The following CLIP2 variants were observed in gnomAD, a reference collection of about 807,000 sequenced individuals.
CLIP2 encodes CAP-Gly domain containing linker protein 2.
Under a neutral mutation model 111.7 loss-of-function variants are expected in CLIP2, and 41 were observed. The ratio of observed to expected loss-of-function variants is 0.37; its 90% CI spans 0.29 to 0.48. CLIP2 has a LOEUF of 0.48. Among genes scored for constraint, CLIP2 ranks in the 20% least tolerant of loss-of-function variants. The pLI is 0.99. For synonymous variants in CLIP2, 660 were observed against 644.2 expected (o/e 1.02, Z -0.37); for missense variants, 1,160 against 1,422.1 (o/e 0.82, Z 2.96).
At chr7:74,390,564 G>A (rs1404858355) in intron 13 of CLIP2, among the ~76,000 whole-genome samples, 2 of 151,908 alleles carry the variant, frequency 1.3e-5, no homozygotes, top group Non-Finnish European at 2.9e-5. Flanking sequence ...AGCTACTCAG[G>A]AGGCTGAGGT....
At chr7:74,401,954 T>G (rs921432733) in intron 16 of CLIP2, among the ~76,000 whole-genome samples, 2 of 150,978 alleles carry the variant, frequency 1.3e-5, no homozygotes, top group Non-Finnish European at 2.9e-5. Context: ...AGACCCTCTC[T>G]CTATTAAAAA....
intron 3 of CLIP2, among the ~76,000 whole-genome samples, chr7:74,343,389 C>G (rs1789714242): frequency 6.6e-6 from 1 of 152,072 alleles, no homozygotes; most frequent in African/African-American, 2.4e-5. Context: ...CTGACCTGTC[C>G]TTCAGGATCT....
chr7:74,389,786 C>T (rs1322658467), intron 13 of CLIP2, among the ~76,000 whole-genome samples: 3 of 151,714 alleles, frequency 2.0e-5, no homozygotes, highest in Non-Finnish European at 4.4e-5. Context: ...GTAGTCCCAG[C>T]TACTCAGGAG....
Position 74,373,048 on chromosome 7 carries a change from A to C in CLIP2, c.1485+12A>C. ...TAGCGGACAACAGGGTAACCGCGCC[A>C]CCGCACCCGCCTGGCCCGCCAGCCA... On this transcript the variant is annotated intron_variant, in intron 9 of 16. Coordinates refer to ENST00000223398, the MANE Select transcript of CLIP2 (RefSeq NM_003388.5). 6.5e-7 allele frequency: 1 copy of C among 1,539,750 alleles called. No homozygotes were observed. Among genetic ancestry groups the C allele is most frequent in the Non-Finnish European group, 8.8e-7 (1 of 1,139,396 alleles).
intron 3 of CLIP2, among the ~76,000 whole-genome samples, chr7:74,343,721 C>T (rs552031805): frequency 3.9e-4 from 55 of 139,458 alleles, no homozygotes; most frequent in African/African-American, 1.3e-3. Flanking sequence ...AGCAAGACCC[C>T]GTCTCTACTA....
intron 8 of CLIP2, among the ~76,000 whole-genome samples, chr7:74,365,251 C>G (rs1207474578): frequency 1.3e-5 from 2 of 152,052 alleles, no homozygotes; most frequent in African/African-American, 2.4e-5. Flanking sequence ...TTGCCAGGAA[C>G]AGAGACCCCC....
intron 13 of CLIP2, among the ~76,000 whole-genome samples, chr7:74,390,753 G>C (rs1291147341): frequency 7.1e-6 from 1 of 141,242 alleles, no homozygotes; most frequent in African/African-American, 2.6e-5. Context: ...CGGGGTGGGG[G>C]GGGTGGGTGG....
chr7:74,307,824 G>A (rs1423087213), intron 1 of CLIP2, among the ~76,000 whole-genome samples: 3 of 152,260 alleles, frequency 2.0e-5, no homozygotes, highest in East Asian at 3.9e-4. Context: ...GCTGCTGGGG[G>A]GTGGTTCAGG....
At chr7:74,387,581 C>CAGT (rs1157192003) in intron 12 of CLIP2, among the ~76,000 whole-genome samples, 1 of 152,170 alleles carries the variant, frequency 6.6e-6, no homozygotes, top group East Asian at 1.9e-4. Flanking sequence ...ACCAGAACAC[C>CAGT]AGTGGTGGTG....
intron 9 of CLIP2, among the ~76,000 whole-genome samples, chr7:74,374,747 A>G (rs1375922701): frequency 2.0e-5 from 3 of 152,140 alleles, no homozygotes; most frequent in African/African-American, 7.2e-5. Context: ...AAAAAACAAA[A>G]CAATAAGTTT....
rs1167400104 is a variant in CLIP2 at position 74,338,202 on chromosome 7, A to T, written c.122-246A>T. Reference sequence around the variant, plus strand: ...GGGTGACAGAGCAAGACCCTGTCTCAAAAAGTAAATAAACAGGGGTTGGGT... The same window carrying T: ...GGGTGACAGAGCAAGACCCTGTCTCTAAAAGTAAATAAACAGGGGTTGGGT... On this transcript the variant is annotated intron_variant, in intron 2 of 16. Transcript: ENST00000223398. This position sits in a 1 kb window ranked among gnomAD's most constrained non-coding sequence, Gnocchi z 4.3. 2.1e-5 allele frequency among the ~76,000 whole-genome samples: 2 copies of T among 94,224 alleles called. No individual in the cohort carries two copies. Among genetic ancestry groups the T allele is most frequent in the East Asian group, 5.0e-4 (2 of 4,012 alleles). 61.8% of individuals were successfully genotyped at this position (94,224 alleles called of 152,430 possible). A position where few individuals can be genotyped will look rare whatever the true frequency, so the allele number is the denominator to read the frequency against.
At chr7:74,358,718 C>T (rs907840653) in intron 6 of CLIP2, among the ~76,000 whole-genome samples, 3 of 151,734 alleles carry the variant, frequency 2.0e-5, no homozygotes, top group Non-Finnish European at 2.9e-5. Flanking sequence ...TATAGGTGCA[C>T]GCTACCACAT....
At chr7:74,379,791 A>G (rs543563101) in intron 10 of CLIP2, among the ~76,000 whole-genome samples, 229 of 150,842 alleles carry the variant, frequency 1.5e-3, no homozygotes, top group African/African-American at 5.4e-3. Flanking sequence ...AAAAACCCCA[A>G]AATTAGCTGG....
chr7:74,400,676 C>G (rs532470120), intron 15 of CLIP2, 121 bp downstream of exon 15: 1 of 1,002,248 alleles, frequency 1.0e-6, no homozygotes, highest in Admixed American at 3.0e-5. Context: ...GTAGGGAGCT[C>G]GTCCCAGGAA....
intron 1 of CLIP2, among the ~76,000 whole-genome samples, chr7:74,290,505 C>G (rs1466800009): frequency 6.6e-6 from 1 of 152,254 alleles, no homozygotes; most frequent in East Asian, 1.9e-4. Flanking sequence ...CCACTGGGCA[C>G]TGCCACGCAG....
chr7:74,295,111 T>C (rs1267877414), intron 1 of CLIP2, among the ~76,000 whole-genome samples: 3 of 152,170 alleles, frequency 2.0e-5, no homozygotes, highest in Non-Finnish European at 4.4e-5. Flanking sequence ...TACAAGTGCA[T>C]GTCACCATGC....
rs782013291 is a variant in CLIP2, at chr7:74,360,182, C to T, written c.1223C>T (p.Ala408Val). 2 of 1,602,122 alleles carry T rather than the reference C, an allele frequency of 1.2e-6. No individual in the cohort carries two copies. Among genetic ancestry groups the T allele is most frequent in the South Asian group, 1.1e-5 (1 of 88,864 alleles). The change falls in exon 7 of 17, where the codon GCA (alanine) becomes GTA (valine). Residue 408 changes from alanine (A) to valine (V), a missense_variant. By Grantham distance (64) the Ala-to-Val change is moderately conservative (BLOSUM62 0). Coordinates refer to ENST00000223398, the MANE Select transcript of CLIP2 (RefSeq NM_003388.5). The stretch of plus-strand genomic sequence containing the variant: ...CCTTCCTTGGGGGCCCAGTATGTTG[C>T]AGAAGCCGAGGAGAAGCTGCAGCGA... ...LLKAQHEQYV[A>V]EAEEKLQRAR...
chr7:74,335,408 TG>T (rs1317173535), intron 2 of CLIP2, among the ~76,000 whole-genome samples: 52 of 152,284 alleles, frequency 3.4e-4, no homozygotes, highest in African/African-American at 1.2e-3. Flanking sequence ...TTGCCCACAC[TG>T]GTCTTGACCT....
rs556194474 is a variant in CLIP2 at position 74,330,440 on chromosome 7, A to G, written c.122-8008A>G. Among the ~76,000 whole-genome samples the G allele has an allele frequency of 7.6e-4, 115 of 151,586 alleles. 2 individuals are homozygous for G. The South Asian group carries it at 0.017, about 23-fold the overall frequency. On this transcript the variant is annotated intron_variant, in intron 2 of 16. Transcript: ENST00000223398. ...CCTTGCTAATTTTTGTATTTTTAGT[A>G]GAGATGGGGTTTCGCCATGTTGGCC...
Sources: gnomAD v4.1 joint callset for allele counts (sites outside exome capture counted in the v4.1 genomes callset) on GRCh38, gnomAD v4.1.1 for gene constraint, Gnocchi (gnomAD v3.1) non-coding constraint, MANE v1.5 for transcripts, NCBI Gene and HGNC (gene_info 2026-07-23, HGNC 2026-07-21) for gene names.